STAT4: variants seen among roughly 807,000 people sequenced by gnomAD.
The protein encoded by STAT4 is signal transducer and activator of transcription 4.
STAT4 carries 42 observed loss-of-function variants against 110.5 expected under a neutral mutation model. The ratio of observed to expected loss-of-function variants is 0.38; its 90% CI spans 0.30 to 0.49. STAT4 has a LOEUF of 0.49. Among genes scored for constraint, STAT4 ranks in the 20% least tolerant of loss-of-function variants. The pLI is 0.95. For missense variants in STAT4, 632 were observed against 887.9 expected (o/e 0.71, Z 3.66); for synonymous variants, 284 against 302.2 (o/e 0.94, Z 0.63).
rs1401088979 is a variant in STAT4, at chr2:191,062,968, T to A, written c.783-48A>T. ...CAAAGATAGTTTTTCCACTTAATAA[T>A]AAAAAAGCATTGTAACAATGGGTCA... is the stretch of plus-strand genomic sequence containing the variant. On this transcript the variant is annotated intron_variant, in intron 8 of 23. Transcript: ENST00000392320. The surrounding 1 kb of genome is among the most constrained non-coding windows in gnomAD (Gnocchi z 4.9). The A allele has an allele frequency of 6.5e-7, 1 of 1,547,110 alleles. No individual in the cohort carries two copies. The highest frequency in any genetic ancestry group is 8.8e-7 in the Non-Finnish European group (1 of 1,140,866).
chr2:191,140,882 A>G lies in STAT4; in HGVS notation c.273+5731T>C, dbSNP rs1249794134. Among the ~76,000 whole-genome samples, 1 of 152,242 alleles carries G rather than the reference A, an allele frequency of 6.6e-6. No individual in the cohort carries two copies. The highest frequency in any genetic ancestry group is 1.5e-5 in the Non-Finnish European group (1 of 68,048). On this transcript the variant is annotated intron_variant, in intron 3 of 23. Transcript: ENST00000392320. This position sits in a 1 kb window ranked among gnomAD's most constrained non-coding sequence, Gnocchi z 4.4. ...AGTAGATAAAGAAAATGTGGTATATATACACTATGGAATACTACTCAGCCA... is the reference window on the plus strand; with the variant it reads ...AGTAGATAAAGAAAATGTGGTATATGTACACTATGGAATACTACTCAGCCA...
At chr2:191,105,588 G>A (rs1177766122) in intron 3 of STAT4, among the ~76,000 whole-genome samples, 2 of 152,068 alleles carry the variant, frequency 1.3e-5, no homozygotes, top group Non-Finnish European at 2.9e-5. Context: ...AAAAGCATAA[G>A]TAGAAAAATA....
intron 3 of STAT4, among the ~76,000 whole-genome samples, chr2:191,096,346 T>C (rs891163039): frequency 6.6e-6 from 1 of 152,194 alleles, no homozygotes; most frequent in Non-Finnish European, 1.5e-5. Flanking sequence ...ATATTTCTGA[T>C]GAACATTGAT....
chr2:191,108,112 G>A (rs762633208), intron 3 of STAT4, among the ~76,000 whole-genome samples: 7 of 152,118 alleles, frequency 4.6e-5, no homozygotes, highest in Non-Finnish European at 8.8e-5. Flanking sequence ...TCAACATGGC[G>A]AAACCCCATC....
At chr2:191,128,429 C>G (rs1698941387) in intron 3 of STAT4, among the ~76,000 whole-genome samples, 1 of 152,214 alleles carries the variant, frequency 6.6e-6, no homozygotes, top group South Asian at 2.1e-4. Context: ...AGACTCAGAG[C>G]AGCTCCGCGT....
At chr2:191,049,245 G>C (rs866709154) in intron 14 of STAT4, among the ~76,000 whole-genome samples, 1 of 141,184 alleles carries the variant, frequency 7.1e-6, no homozygotes, top group African/African-American at 2.7e-5. Context: ...CGAAATTTCA[G>C]CTCACTGCAA....
rs1229512194 is a variant in STAT4, at chr2:191,150,094, T to C, written c.-2+853A>G. On this transcript the variant is annotated intron_variant, in intron 1 of 23. Coordinates refer to ENST00000392320, the MANE Select transcript of STAT4 (RefSeq NM_003151.4). This position sits in a 1 kb window ranked among gnomAD's most constrained non-coding sequence, Gnocchi z 6.4. Reference sequence around the variant, plus strand: ...TTGTTCATATTTATTGAAATATCACTGTATATTCCATAAATATTTACAATT... The same window carrying C: ...TTGTTCATATTTATTGAAATATCACCGTATATTCCATAAATATTTACAATT... 3.9e-5 allele frequency among the ~76,000 whole-genome samples: 6 copies of C among 152,280 alleles called. No individual in the cohort carries two copies. Among genetic ancestry groups the C allele is most frequent in the Non-Finnish European group, 5.9e-5 (4 of 68,008 alleles).
intron 3 of STAT4, among the ~76,000 whole-genome samples, chr2:191,089,902 A>G (rs1697743862): frequency 6.6e-6 from 1 of 152,176 alleles, no homozygotes; most frequent in Non-Finnish European, 1.5e-5. Context: ...GTTAGAAGAA[A>G]GAGAGGGAGT....
Position 191,029,888 on chromosome 2 carries a change from A to G in STAT4, c.2221-22T>C, listed in dbSNP as rs771803435. On this transcript the variant is annotated intron_variant, in intron 23 of 23. Coordinates refer to ENST00000392320, the MANE Select transcript of STAT4 (RefSeq NM_003151.4). This position sits in a 1 kb window ranked among gnomAD's most constrained non-coding sequence, Gnocchi z 4.5. ...TCATCTAAAATTAAAAATGAAAATA[A>G]TCTTTGAGGAAACTACTGGTTTTCA... is the stretch of plus-strand genomic sequence containing the variant. 6.4e-7 allele frequency: 1 copy of G among 1,572,876 alleles called. No individual in the cohort carries two copies. Among genetic ancestry groups the G allele is most frequent in the Non-Finnish European group, 8.7e-7 (1 of 1,155,742 alleles).
intron 3 of STAT4, among the ~76,000 whole-genome samples, chr2:191,119,717 G>A (rs913511248): frequency 3.3e-5 from 5 of 152,094 alleles, no homozygotes; most frequent in African/African-American, 1.2e-4. Context: ...AAGAAAAATC[G>A]AGGCAATTTT....
chr2:191,062,687 C>T lies in STAT4; in HGVS notation c.941+75G>A, dbSNP rs1419788090. 6.4e-7 allele frequency: 1 copy of T among 1,551,966 alleles called. No homozygotes were observed. Among genetic ancestry groups the T allele is most frequent in the Non-Finnish European group, 8.8e-7 (1 of 1,133,696 alleles). On this transcript the variant is annotated intron_variant, in intron 9 of 23. Transcript: ENST00000392320. This position sits in a 1 kb window ranked among gnomAD's most constrained non-coding sequence, Gnocchi z 4.9. ...TGAATACTTCCCTGCCACTCTTCCACCTAAACACCAAAACCTTAGGAAGGG... is the reference window on the plus strand; with the variant it reads ...TGAATACTTCCCTGCCACTCTTCCATCTAAACACCAAAACCTTAGGAAGGG...
intron 18 of STAT4, 61 bp downstream of exon 18, chr2:191,034,487 T>G: frequency 1.6e-6 from 2 of 1,284,100 alleles, no homozygotes; most frequent in Admixed American, 3.4e-5. Flanking sequence ...AGTAATAGAC[T>G]TAGAAAGGAA....
In STAT4 at chr2:191,146,008, C is replaced by T. The variant is rs1699450853; in HGVS notation, c.273+605G>A. ...GGTGCTGGAAATTCAAAGTTGAACA[C>T]TAAAGTCCTTGCCTCAAGGAACTCA... On this transcript the variant is annotated intron_variant, in intron 3 of 23. Coordinates refer to ENST00000392320, the MANE Select transcript of STAT4 (RefSeq NM_003151.4). This position sits in a 1 kb window ranked among gnomAD's most constrained non-coding sequence, Gnocchi z 4.5. Among the ~76,000 whole-genome samples the T allele has an allele frequency of 6.6e-6, 1 of 152,196 alleles. No homozygotes were observed. Among genetic ancestry groups the T allele is most frequent in the African/African-American group, 2.4e-5 (1 of 41,450 alleles).
chr2:191,084,213 G>T (rs567019982), intron 3 of STAT4, among the ~76,000 whole-genome samples: 1 of 151,688 alleles, frequency 6.6e-6, no homozygotes, highest in South Asian at 2.1e-4. Context: ...AGTGAGCCGA[G>T]ATCATGCCAT....
In STAT4 at chr2:191,148,185, CT is replaced by C; in HGVS notation, c.18del (p.Val7SerfsTer4). 6.2e-7 allele frequency: 1 copy of C among 1,613,748 alleles called. No individual in the cohort carries two copies. The highest frequency in any genetic ancestry group is 8.5e-7 in the Non-Finnish European group (1 of 1,179,744). On this transcript the variant is annotated frameshift_variant, in exon 2 of 24. Coordinates refer to ENST00000392320, the MANE Select transcript of STAT4 (RefSeq NM_003151.4). LOFTEE classifies it high-confidence loss of function. ...AAAAACTTGATTTCTAACTGTTGGA[CT>C]TGATTCCACTGAGACATGCTATAAA... is the stretch of plus-strand genomic sequence containing the variant. MSQWN[Q>X]VQQLEIKFLE...
intron 3 of STAT4, among the ~76,000 whole-genome samples, chr2:191,127,222 A>G (rs1698905193): frequency 6.6e-6 from 1 of 152,090 alleles, no homozygotes; most frequent in African/African-American, 2.4e-5. Flanking sequence ...AGCTCTGGAT[A>G]TTTTTCAATA....
intron 3 of STAT4, among the ~76,000 whole-genome samples, chr2:191,118,464 C>A (rs1229354341): frequency 6.6e-6 from 1 of 152,112 alleles, no homozygotes; most frequent in African/African-American, 2.4e-5. Context: ...TGATTCCCTG[C>A]AGGTAATCAT....
In STAT4 at chr2:191,037,252, A is replaced by G. The variant is rs990448365; in HGVS notation, c.1435-953T>C. Among the ~76,000 whole-genome samples the G allele has an allele frequency of 2.0e-5, 3 of 152,200 alleles. No individual in the cohort carries two copies. Among genetic ancestry groups the G allele is most frequent in the African/African-American group, 7.2e-5 (3 of 41,452 alleles). On this transcript the variant is annotated intron_variant, in intron 16 of 23. Transcript: ENST00000392320. The surrounding 1 kb of genome is among the most constrained non-coding windows in gnomAD (Gnocchi z 4.8). ...AGGCTAGGGAAGGTGACCCTACAATATTATGATTAACCTCAAATACCTATT... is the reference window on the plus strand; with the variant it reads ...AGGCTAGGGAAGGTGACCCTACAATGTTATGATTAACCTCAAATACCTATT...
Position 191,077,037 on chromosome 2 carries a change from G to A in STAT4, c.274-712C>T, listed in dbSNP as rs1041447099. ...TTTGTTTCTGTCCCTATTTGGTACT[G>A]TTTGTGTCAACTAGCTCATAGCTGC... On this transcript the variant is annotated intron_variant, in intron 3 of 23. Coordinates refer to ENST00000392320, the MANE Select transcript of STAT4 (RefSeq NM_003151.4). This position sits in a 1 kb window ranked among gnomAD's most constrained non-coding sequence, Gnocchi z 4.1. Among the ~76,000 whole-genome samples, 8 of 152,178 alleles carry A rather than the reference G, an allele frequency of 5.3e-5. No homozygotes were observed. The highest frequency in any genetic ancestry group is 1.9e-4 in the African/African-American group (8 of 41,446).
Sources: gnomAD v4.1 joint callset for allele counts (sites outside exome capture counted in the v4.1 genomes callset) on GRCh38, gnomAD v4.1.1 for gene constraint, Gnocchi (gnomAD v3.1) non-coding constraint, MANE v1.5 for transcripts, NCBI Gene and HGNC (gene_info 2026-07-23, HGNC 2026-07-21) for gene names.